The following SLC60A2 variants were observed in gnomAD, a reference collection of about 807,000 sequenced individuals.
The protein encoded by SLC60A2 is major facilitator superfamily domain containing 4B.
At chr6:111,262,446 G>A in the SLC60A2 span, 3 of 1,594,486 alleles carry the variant, frequency 1.9e-6, no homozygotes, top group African/African-American at 2.7e-5. Flanking sequence ...GCTAATTTTA[G>A]CTTCTTTATG....
the SLC60A2 span, among the ~76,000 whole-genome samples, chr6:111,276,310 A>C: frequency 7.9e-5 from 12 of 152,178 alleles, no homozygotes; most frequent in African/African-American, 2.9e-4. Context: ...GCTGGATCTT[A>C]TGGTAATTCT....
the SLC60A2 span, chr6:111,266,873 T>G: frequency 6.2e-7 from 1 of 1,613,884 alleles, no homozygotes; most frequent in Non-Finnish European, 8.5e-7. Context: ...TAAATGAATA[T>G]GAGGAAGAGA....
the SLC60A2 span, among the ~76,000 whole-genome samples, chr6:111,276,915 TGG>T: frequency 6.6e-6 from 1 of 152,098 alleles, no homozygotes; most frequent in Non-Finnish European, 1.5e-5. Flanking sequence ...TTGCCCTTAT[TGG>T]GCCTTGCCTC....
At chr6:111,271,958 A>T in the SLC60A2 span, among the ~76,000 whole-genome samples, 1 of 152,030 alleles carries the variant, frequency 6.6e-6, no homozygotes, top group Non-Finnish European at 1.5e-5. Flanking sequence ...ACAAAGTGAG[A>T]CTGTCTAAAA....
At chr6:111,273,941 T>A in the SLC60A2 span, among the ~76,000 whole-genome samples, 6 of 152,180 alleles carry the variant, frequency 3.9e-5, no homozygotes, top group Non-Finnish European at 7.4e-5. Context: ...CAGGCAGGTC[T>A]TGAACTGCAC....
At chr6:111,266,222 A>G in the SLC60A2 span, 1 of 1,614,048 alleles carries the variant, frequency 6.2e-7, no homozygotes, top group African/African-American at 1.3e-5. Flanking sequence ...CTGCTGAGAC[A>G]TTTCGAAGAG....
the SLC60A2 span, chr6:111,269,083 G>C: frequency 2.0e-5 from 3 of 152,090 alleles, no homozygotes; most frequent in Non-Finnish European, 4.4e-5. Flanking sequence ...CTTGACCACT[G>C]CCCGCCCATT....
chr6:111,278,782 C>T, the SLC60A2 span: 5 of 152,180 alleles, frequency 3.3e-5, no homozygotes, highest in African/African-American at 1.2e-4. Context: ...AGCATGAAAA[C>T]AGACTAATAG....
chr6:111,273,506 T>G, the SLC60A2 span, among the ~76,000 whole-genome samples: 590 of 126,294 alleles, frequency 4.7e-3, 10 homozygotes, highest in Admixed American at 0.042. Context: ...GTTTTTTTTT[T>G]TTTTTTTGTT....
chr6:111,279,103 C>T, the SLC60A2 span, among the ~76,000 whole-genome samples: 4 of 152,146 alleles, frequency 2.6e-5, no homozygotes, highest in Non-Finnish European at 4.4e-5. Flanking sequence ...CCCAATCCCC[C>T]GTAATTGTAA....
At chr6:111,265,285 T>C in the SLC60A2 span, 1 of 981,446 alleles carries the variant, frequency 1.0e-6, no homozygotes, top group Non-Finnish European at 1.2e-6. Context: ...AGAAGATAGC[T>C]CAAGATGTGC....
chr6:111,262,209 A>G, the SLC60A2 span: 9 of 1,504,734 alleles, frequency 6.0e-6, no homozygotes, highest in Non-Finnish European at 8.2e-6. Context: ...ATAGTTAGAC[A>G]TTATTTTAAT....
At chr6:111,265,794 C>G in the SLC60A2 span, 48 of 1,119,740 alleles carry the variant, frequency 4.3e-5, 1 homozygote, top group African/African-American at 6.7e-4. Context: ...TAGACTCACC[C>G]CCTTTCTGAT....
At chr6:111,265,812 C>CTT in the SLC60A2 span, 14 of 1,257,212 alleles carry the variant, frequency 1.1e-5, no homozygotes, top group Middle Eastern at 2.9e-4. Flanking sequence ...GATAAGTGAA[C>CTT]TTTTTTTTTT....
chr6:111,269,623 G>C, the SLC60A2 span: 1 of 152,214 alleles, frequency 6.6e-6, no homozygotes, highest in Non-Finnish European at 1.5e-5. Context: ...CAGCTAGGAG[G>C]CTTGCTAGAA....
At chr6:111,267,281 GAGTCTTCCATAAATAACCAAATGGTCTC>G in the SLC60A2 span, 1 of 608,122 alleles carries the variant, frequency 1.6e-6, no homozygotes, top group Non-Finnish European at 2.8e-6. Context: ...GTAATTCCCA[GAGTCTTCCATAAATAACCAAATGGTCTC>G]ATACACGTAC....
the SLC60A2 span, among the ~76,000 whole-genome samples, chr6:111,263,087 G>A: frequency 6.6e-6 from 1 of 152,092 alleles, no homozygotes; most frequent in Non-Finnish European, 1.5e-5. Flanking sequence ...ACAGGTGTGA[G>A]CCACCATGCC....
the SLC60A2 span, chr6:111,267,061 C>T: frequency 1.2e-6 from 2 of 1,614,002 alleles, no homozygotes; most frequent in South Asian, 1.1e-5. Context: ...CCTTTTAATA[C>T]TGGCAGTGCC....
the SLC60A2 span, chr6:111,259,547 A>C: frequency 1.6e-6 from 1 of 643,528 alleles, no homozygotes; most frequent in Non-Finnish European, 2.5e-6. Context: ...AGCTGGAGTT[A>C]GAGGTGGAGC....
Sources: gnomAD v4.1 joint callset for allele counts (sites outside exome capture counted in the v4.1 genomes callset) on GRCh38, gnomAD v4.1.1 for gene constraint, MANE v1.5 for transcripts, NCBI Gene and HGNC (gene_info 2026-07-23, HGNC 2026-07-21) for gene names.